SOX6: variants seen among roughly 807,000 people sequenced by gnomAD.
SOX6 encodes transcription factor SOX-6.
SOX6 carries 11 observed loss-of-function variants against 97.8 expected under a neutral mutation model. The ratio of observed to expected loss-of-function variants is 0.11; its 90% CI spans 0.07 to 0.19. The LOEUF is 0.19. Ranked by LOEUF, SOX6 falls within the 10% of genes least tolerant of loss-of-function variation. The pLI, the probability that SOX6 is intolerant of heterozygous loss-of-function variation, is 1.00. For synonymous variants in SOX6, 360 were observed against 371.4 expected, an observed-to-expected ratio of 0.97 and a Z score of 0.35; for missense variants, 810 against 1,039.5, an observed-to-expected ratio of 0.78 and a Z score of 3.04.
chr11:16,679,774 T>C lies in SOX6; in HGVS notation n.429+35056A>G, dbSNP rs1230893613. On this transcript the variant is annotated intron_variant and non_coding_transcript_variant, in intron 3 of 5. Transcript: ENST00000524520. Reference sequence around the variant, plus strand: ...GTAGAGAAGACCTTAAATGACCTGATGGAGCTGAAAACCAAAGCACAAGAA... The same window carrying C: ...GTAGAGAAGACCTTAAATGACCTGACGGAGCTGAAAACCAAAGCACAAGAA... Among the ~76,000 whole-genome samples, 6 of 152,180 alleles carry C rather than the reference T, an allele frequency of 3.9e-5. No homozygotes were observed. In the South Asian group the frequency reaches 1.0e-3, roughly 26 times the overall value.
At position 16,242,705 on chromosome 11, in the gene SOX6, A is replaced by T. The variant is rs11023889; in HGVS notation, c.446-8034T>A. On this transcript the variant is annotated intron_variant, in intron 3 of 15. Transcript: ENST00000683767. The stretch of plus-strand genomic sequence containing the variant: ...CTAATTTCAAAGTTACGTGTTCAAA[A>T]CAGCTTCACTGTTCTGATTAATTGA... Among the ~76,000 whole-genome samples, 369 of 151,876 alleles carry T rather than the reference A, an allele frequency of 2.4e-3. 4 individuals are homozygous for T. Among genetic ancestry groups the T allele is most frequent in the Non-Finnish European group, 2.5e-3 (170 of 67,848 alleles).
intron 4 of SOX6, among the ~76,000 whole-genome samples, chr11:16,507,360 T>C (rs1233214255): frequency 6.6e-6 from 1 of 152,058 alleles, no homozygotes; most frequent in Non-Finnish European, 1.5e-5. Flanking sequence ...GTAGAGTCAA[T>C]GCAATCCCTA....
chr11:16,402,769 A>AG, intron 1 of SOX6: 1 of 1,606,388 alleles, frequency 6.2e-7, no homozygotes, highest in African/African-American at 1.3e-5. Flanking sequence ...AGGAAAAAAA[A>AG]CAATCTACTA....
At chr11:16,167,680 T>C (rs1564994745) in intron 6 of SOX6, among the ~76,000 whole-genome samples, 3 of 152,222 alleles carry the variant, frequency 2.0e-5, no homozygotes, top group Non-Finnish European at 4.4e-5. Context: ...CTGTTTCCTC[T>C]GCCCTGGAAG....
chr11:16,271,661 T>C (rs1854262461), intron 3 of SOX6, among the ~76,000 whole-genome samples: 1 of 151,480 alleles, frequency 6.6e-6, no homozygotes, highest in Admixed American at 6.6e-5. Flanking sequence ...ATGTAAAAAG[T>C]GGGATCTTTT....
intron 3 of SOX6, among the ~76,000 whole-genome samples, chr11:16,655,023 G>A (rs1847703507): frequency 1.3e-5 from 2 of 152,230 alleles, no homozygotes; most frequent in African/African-American, 4.8e-5. Flanking sequence ...AACCTCTGGG[G>A]ATGGGCAGGA....
chr11:16,251,991 T>TAAA (rs35498021), intron 3 of SOX6, among the ~76,000 whole-genome samples: 1 of 150,572 alleles, frequency 6.6e-6, no homozygotes, highest in East Asian at 2.0e-4. Context: ...AATTTTCTTT[T>TAAA]AAAAAAAAAG....
At chr11:16,439,361 T>G (rs11023944) in intron 1 of SOX6, among the ~76,000 whole-genome samples, 54,559 of 152,016 alleles carry the variant, frequency 0.36, 10,378 homozygotes, top group East Asian at 0.54. Flanking sequence ...GCATTCATTT[T>G]ATACCACAAT....
intron 1 of SOX6, among the ~76,000 whole-genome samples, chr11:16,425,070 TC>T (rs1375382942): frequency 6.6e-6 from 1 of 152,210 alleles, no homozygotes; most frequent in Non-Finnish European, 1.5e-5. Context: ...CTTTTCCTCC[TC>T]CCTTCTTATC....
intron 1 of SOX6, among the ~76,000 whole-genome samples, chr11:16,343,183 T>C (rs1404234151): frequency 5.3e-5 from 8 of 151,926 alleles, no homozygotes; most frequent in Admixed American, 5.3e-4. Context: ...AAATTATAAT[T>C]GTTCTGCAAG....
At chr11:16,121,323 T>C (rs1420260751) in intron 6 of SOX6, among the ~76,000 whole-genome samples, 3 of 151,996 alleles carry the variant, frequency 2.0e-5, no homozygotes, top group Admixed American at 6.6e-5. Context: ...CTTACACAAA[T>C]AAAAAGTTAG....
At chr11:16,120,062 C>CTGTT (rs75436054) in intron 6 of SOX6, among the ~76,000 whole-genome samples, 19 of 151,714 alleles carry the variant, frequency 1.3e-4, no homozygotes, top group South Asian at 6.3e-4. Context: ...TTGCTTGCTT[C>CTGTT]TGTTTGTTTG....
intron 4 of SOX6, among the ~76,000 whole-genome samples, chr11:16,532,227 T>C (rs1861246388): frequency 6.6e-6 from 1 of 151,876 alleles, no homozygotes; most frequent in African/African-American, 2.4e-5. Context: ...TTTAAGTGAC[T>C]AGTCTTAGAA....
At chr11:16,727,436 C>T (rs1164940109) in intron 2 of SOX6, among the ~76,000 whole-genome samples, 1 of 144,466 alleles carries the variant, frequency 6.9e-6, no homozygotes, top group Non-Finnish European at 1.5e-5. Context: ...TCACTTTCTT[C>T]TTTTTTTTTT....
At chr11:16,022,111 T>C (rs1353999069) in intron 12 of SOX6, among the ~76,000 whole-genome samples, 1 of 152,110 alleles carries the variant, frequency 6.6e-6, no homozygotes, top group Non-Finnish European at 1.5e-5. Flanking sequence ...GGCTTAATGA[T>C]TAAATGAGAG....
chr11:16,284,611 A>T (rs1482260486), intron 3 of SOX6, among the ~76,000 whole-genome samples: 1 of 152,164 alleles, frequency 6.6e-6, no homozygotes, highest in Non-Finnish European at 1.5e-5. Context: ...TGAATTAAAC[A>T]AACACGGTGC....
intron 3 of SOX6, among the ~76,000 whole-genome samples, chr11:16,303,206 T>C (rs1415906977): frequency 6.6e-6 from 1 of 152,206 alleles, no homozygotes; most frequent in African/African-American, 2.4e-5. Flanking sequence ...ATTCATCTCC[T>C]TTTAATCATA....
intron 3 of SOX6, among the ~76,000 whole-genome samples, chr11:16,634,754 G>A (rs977536665): frequency 1.3e-5 from 2 of 151,812 alleles, no homozygotes; most frequent in African/African-American, 4.8e-5. Context: ...ATATGGTTTG[G>A]CTGTATCTCC....
intron 2 of SOX6, among the ~76,000 whole-genome samples, chr11:16,727,959 T>C (rs1848319869): frequency 6.6e-6 from 1 of 152,170 alleles, no homozygotes; most frequent in Non-Finnish European, 1.5e-5. Flanking sequence ...ATAGACTTTG[T>C]GGCCAGAACA....
Sources: allele counts gnomAD v4.1 joint callset (sites outside exome capture counted in the v4.1 genomes callset), GRCh38; gene constraint gnomAD v4.1.1; transcripts MANE v1.5; gene names NCBI Gene and HGNC (gene_info 2026-07-23, HGNC 2026-07-21).